Variants in TMEM80 observed in about 807,000 individuals in gnomAD.
The protein encoded by TMEM80 is transmembrane protein 80.
In TMEM80, 16 loss-of-function variants were observed where a neutral mutation model predicts 13.6. The ratio of observed to expected loss-of-function variants is 1.17; its 90% CI spans 0.79 to 1.78. The LOEUF (loss-of-function observed/expected upper bound fraction) is 1.78. TMEM80 is among the 40% of genes most tolerant of loss of function. TMEM80 has a pLI of 0.00. For missense variants in TMEM80, 167 were observed against 184.6 expected (o/e 0.90, Z 0.55); for synonymous variants, 92 against 89.5 (o/e 1.03, Z -0.16).
At chr11:700,588 T>G in intron 3 of TMEM80, 27 bp from the exon 4 acceptor site, 1 of 1,594,324 alleles carries the variant, frequency 6.3e-7, no homozygotes, top group Non-Finnish European at 8.6e-7. Context: ...AGGTTACTTA[T>G]GTTCCGTCCG....
In TMEM80 at chr11:695,819, G is replaced by A. The variant is rs1454566654; in HGVS notation, c.-9G>A. 1.1e-5 allele frequency: 14 copies of A among 1,231,934 alleles called. No homozygotes were observed. In the Admixed American group the frequency reaches 3.0e-4, roughly 26 times the overall value. 76.3% of individuals were successfully genotyped at this position (1,231,934 alleles called of 1,614,324 possible). On this transcript the variant is annotated 5_prime_UTR_variant, in exon 1 of 5. Transcript: ENST00000397510. Reference sequence around the variant, plus strand: ...GGATCGCGACGGACCGGCGGGCGGGGCGGGTAAGATGGCGGCCCCGCGGCG... The same window carrying A: ...GGATCGCGACGGACCGGCGGGCGGGACGGGTAAGATGGCGGCCCCGCGGCG...
chr11:703,621 A>C lies in TMEM80; in HGVS notation c.*471A>C, dbSNP rs1229664548. On this transcript the variant is annotated 3_prime_UTR_variant, in exon 5 of 5. Coordinates refer to ENST00000397510, the MANE Select transcript of TMEM80 (RefSeq NM_001042463.3). ...GTGGCCAGGCCCCACCTGTGTTTCC[A>C]AGTCGGGCTGGAGACGCAGGATGGG... The C allele has an allele frequency of 8.1e-7, 1 of 1,232,654 alleles. No homozygotes were observed. Among genetic ancestry groups the C allele is most frequent in the Non-Finnish European group, 1.0e-6 (1 of 988,622 alleles). The allele number at this position is 1,232,654 out of a possible 1,614,324, so 76.4% of individuals were successfully genotyped here.
At chr11:696,000 CGGCCT>C (rs199591823) in intron 1 of TMEM80, among the ~76,000 whole-genome samples, 154 bp downstream of exon 1, 18 of 152,068 alleles carry the variant, frequency 1.2e-4, no homozygotes, top group Non-Finnish European at 2.4e-4. Context: ...TCGAGAAGCG[CGGCCT>C]GGCCTGGCCT....
chr11:698,923 A>G (rs746908902), intron 2 of TMEM80, 35 bp downstream of exon 2: 1 of 1,613,818 alleles, frequency 6.2e-7, no homozygotes, highest in Non-Finnish European at 8.5e-7. Flanking sequence ...GACAGCACCC[A>G]GAGGCCCGAA....
At chr11:700,107 C>T (rs1311051013) in intron 2 of TMEM80, 35 bp from the exon 3 acceptor site, 2 of 1,591,534 alleles carry the variant, frequency 1.3e-6, no homozygotes, top group African/African-American at 2.7e-5. Flanking sequence ...TGCTCCCAAG[C>T]CTGTTGAGCT....
rs191011368 is a variant in TMEM80, at chr11:696,113, C to G, written c.19+267C>G. On this transcript the variant is annotated intron_variant, in intron 1 of 4. Transcript: ENST00000397510. Reference sequence around the variant, plus strand: ...GAGCGGCTCTGGGGGCCCCAGTCCCCGGCAGCTCTTGTCCCGCGCGTGGTT... The same window carrying G: ...GAGCGGCTCTGGGGGCCCCAGTCCCGGGCAGCTCTTGTCCCGCGCGTGGTT... Among the ~76,000 whole-genome samples the G allele has an allele frequency of 9.2e-3, 1,398 of 152,194 alleles. 15 individuals carry two copies. The highest frequency in any genetic ancestry group is 0.032 in the African/African-American group (1,331 of 41,532).
At chr11:697,030 G>A (rs1420075232) in intron 1 of TMEM80, among the ~76,000 whole-genome samples, 1 of 150,606 alleles carries the variant, frequency 6.6e-6, no homozygotes, top group Non-Finnish European at 1.5e-5. Context: ...GGGGTGGGGT[G>A]CGGAGGTTGC....
intron 1 of TMEM80, 148 bp downstream of exon 1, chr11:695,994 G>A: frequency 1.4e-6 from 1 of 693,508 alleles, no homozygotes; most frequent in Non-Finnish European, 2.0e-6. Flanking sequence ...ACCCCATCGA[G>A]AAGCGCGGCC....
At chr11:701,656 A>C (rs183249063) in intron 4 of TMEM80, among the ~76,000 whole-genome samples, 3 of 150,926 alleles carry the variant, frequency 2.0e-5, no homozygotes, top group Non-Finnish European at 3.0e-5. Flanking sequence ...TGATCCGCCC[A>C]CCTCGGCCTC....
intron 4 of TMEM80, among the ~76,000 whole-genome samples, chr11:702,353 G>A (rs1011250073): frequency 4.6e-5 from 7 of 152,238 alleles, no homozygotes; most frequent in African/African-American, 1.7e-4. Context: ...ATCTTCTGGG[G>A]CCTGGGCCTG....
chr11:702,904 C>T (rs769736959), intron 4 of TMEM80, 41 bp from the exon 5 acceptor site: 87 of 1,544,904 alleles, frequency 5.6e-5, no homozygotes, highest in Non-Finnish European at 6.7e-5. Context: ...CTCCAGGGAG[C>T]GCCTCGCACC....
Position 695,838 on chromosome 11 carries a change from C to G in TMEM80, c.11C>G (p.Pro4Arg). 2 of 1,230,122 alleles carry G rather than the reference C, an allele frequency of 1.6e-6. No homozygotes were observed. The highest frequency in any genetic ancestry group is 2.0e-6 in the Non-Finnish European group (2 of 986,158). The allele number at this position is 1,230,122 out of a possible 1,614,324, so 76.2% of individuals were successfully genotyped here. A position where few individuals can be genotyped will look rare whatever the true frequency, so the allele number is the denominator to read the frequency against. The change falls in exon 1 of 5, where the codon CCG becomes CGG. Residue 4 changes from proline (P) to arginine (R), a missense_variant. Pro to Arg is a moderately radical substitution (Grantham distance 103, BLOSUM62 -2). Coordinates refer to ENST00000397510, the MANE Select transcript of TMEM80 (RefSeq NM_001042463.3). MAAPRRGRGSSTVL... is the reference protein window; with the variant it reads MAARRRGRGSSTVL... The stretch of plus-strand genomic sequence containing the variant: ...GGCGGGGCGGGTAAGATGGCGGCCC[C>G]GCGGCGAGGTGAGCTCGGGCGGGGT...
chr11:704,833 C>A, downstream of TMEM80: 1 of 378,072 alleles, frequency 2.6e-6, no homozygotes, highest in Non-Finnish European at 5.0e-6. Flanking sequence ...TGGAGAGGGA[C>A]CCCACCCCCC....
At position 700,197 on chromosome 11, in the gene TMEM80, T is replaced by C. The variant is rs1268082430; in HGVS notation, c.95T>C (p.Leu32Pro). 3 of 1,614,084 alleles carry C rather than the reference T, an allele frequency of 1.9e-6. No homozygotes were observed. The South Asian group carries it at 3.3e-5, about 18-fold the overall frequency. The change falls in exon 3 of 5, where the codon CTG becomes CCG. Residue 32 changes from leucine (L) to proline (P), a missense_variant. Transcript: ENST00000397510. ...TATCTCAGCGGAACGTACTACGCCC[T>C]GTATTTCCTCGCCACGCTCCTGATG... The part of the protein sequence containing the change: ...LFYLSGTYYA[L>P]YFLATLLMIT...
chr11:700,954 G>C (rs1590037264), intron 4 of TMEM80: 2 of 552,122 alleles, frequency 3.6e-6, no homozygotes, highest in East Asian at 6.2e-5. Flanking sequence ...ATGTCTTGTA[G>C]AAGCCACTGG....
chr11:704,988 G>A (rs1280951203), downstream of TMEM80: 6 of 271,570 alleles, frequency 2.2e-5, no homozygotes, highest in Non-Finnish European at 2.2e-5. Flanking sequence ...GCAGGATCAC[G>A]GCAGGTTCCT....
intron 1 of TMEM80, 146 bp from the exon 2 acceptor site, chr11:698,723 C>A: frequency 2.2e-6 from 2 of 920,318 alleles, no homozygotes. Flanking sequence ...TATCTAGTGG[C>A]AGGCCCACGG....
At chr11:697,955 A>G (rs1289375176) in intron 1 of TMEM80, 1 of 152,238 alleles carries the variant, frequency 6.6e-6, no homozygotes, top group African/African-American at 2.4e-5. Flanking sequence ...GGGATCAGCC[A>G]CAAAATCTCA....
At chr11:704,260 C>T (rs914137086), downstream of TMEM80, 30 of 740,314 alleles carry the variant, frequency 4.1e-5, no homozygotes, top group Admixed American at 1.5e-4. Flanking sequence ...GGGCGCCTTC[C>T]GCTCGGTGGA....
Sources: gnomAD v4.1 joint callset for allele counts (sites outside exome capture counted in the v4.1 genomes callset) on GRCh38, gnomAD v4.1.1 for gene constraint, MANE v1.5 for transcripts, NCBI Gene and HGNC (gene_info 2026-07-23, HGNC 2026-07-21) for gene names.